KCND3: variants seen among roughly 807,000 people sequenced by gnomAD.
KCND3 encodes potassium voltage-gated channel subfamily D member 3.
A neutral mutation model predicts 51.1 loss-of-function variants in KCND3; 9 were observed. That is an observed-to-expected ratio of 0.18 (90% CI 0.11 to 0.31). KCND3 has a LOEUF of 0.31. KCND3 is among the 10% of genes least tolerant of loss of function. KCND3 has a pLI of 1.00. For synonymous variants in KCND3, 349 were observed against 368.0 expected (o/e 0.95, Z 0.59); for missense variants, 526 against 903.8 (o/e 0.58, Z 5.36).
intron 2 of KCND3, among the ~76,000 whole-genome samples, chr1:111,904,304 C>T (rs1319870652): frequency 1.3e-5 from 2 of 152,100 alleles, no homozygotes; most frequent in African/African-American, 2.4e-5. Flanking sequence ...TCCTGTCACC[C>T]TTCCCAGCAC....
At chr1:111,852,782 C>T (rs557999872) in intron 2 of KCND3, among the ~76,000 whole-genome samples, 2 of 152,324 alleles carry the variant, frequency 1.3e-5, no homozygotes, top group African/African-American at 2.4e-5. Flanking sequence ...ATCACTGAGT[C>T]GTACCACTTA....
intron 2 of KCND3, among the ~76,000 whole-genome samples, chr1:111,822,887 G>A (rs958695001): frequency 2.6e-5 from 4 of 152,182 alleles, no homozygotes; most frequent in Admixed American, 6.5e-5. Flanking sequence ...AGAAGAACTC[G>A]TGCTAAGAAC....
At chr1:111,872,435 C>A (rs144593175) in intron 2 of KCND3, among the ~76,000 whole-genome samples, 19 of 152,316 alleles carry the variant, frequency 1.2e-4, no homozygotes, top group African/African-American at 4.6e-4. Flanking sequence ...TTTATTTGAC[C>A]TGTGAACCTT....
chr1:111,969,868 G>T (rs1329045815), intron 2 of KCND3, among the ~76,000 whole-genome samples: 1 of 152,252 alleles, frequency 6.6e-6, no homozygotes, highest in South Asian at 2.1e-4. Context: ...ACACTTTCCT[G>T]GGGGGATGCT....
intron 2 of KCND3, among the ~76,000 whole-genome samples, chr1:111,936,298 G>A (rs1041875057): frequency 2.0e-5 from 3 of 152,282 alleles, no homozygotes; most frequent in Middle Eastern, 3.4e-3. Flanking sequence ...TTGGTGAGCA[G>A]AGGGCTCCCC....
chr1:111,867,859 G>A (rs1668646943), intron 2 of KCND3, among the ~76,000 whole-genome samples: 2 of 152,176 alleles, frequency 1.3e-5, no homozygotes, highest in South Asian at 2.1e-4. Context: ...ATAGGTAAGA[G>A]CACAGGCTAT....
intron 2 of KCND3, among the ~76,000 whole-genome samples, chr1:111,788,713 G>A (rs967283747): frequency 6.6e-6 from 1 of 152,218 alleles, no homozygotes; most frequent in African/African-American, 2.4e-5. Flanking sequence ...GAGGCCTCCA[G>A]GGAAGTGGTT....
intron 2 of KCND3, among the ~76,000 whole-genome samples, chr1:111,854,639 G>GTACAAAGTGTTTCT (rs1553247636): frequency 2.0e-5 from 3 of 152,224 alleles, no homozygotes; most frequent in Non-Finnish European, 4.4e-5. Context: ...AAGGGCAGCA[G>GTACAAAGTGTTTCT]TACAAAGTGT....
At chr1:111,965,369 A>G (rs1673909563) in intron 2 of KCND3, among the ~76,000 whole-genome samples, 1 of 150,280 alleles carries the variant, frequency 6.7e-6, no homozygotes, top group African/African-American at 2.5e-5. Flanking sequence ...AAAGTTCCCT[A>G]AGTCAACAAT....
At chr1:111,925,010 C>G (rs1361400979) in intron 2 of KCND3, among the ~76,000 whole-genome samples, 1 of 152,202 alleles carries the variant, frequency 6.6e-6, no homozygotes, top group Non-Finnish European at 1.5e-5. Context: ...CCCGACCTAT[C>G]CAGGGACTAG....
intron 2 of KCND3, among the ~76,000 whole-genome samples, chr1:111,936,321 G>A (rs1233119995): frequency 6.6e-6 from 1 of 152,164 alleles, no homozygotes; most frequent in Non-Finnish European, 1.5e-5. Flanking sequence ...GGAGGAATAA[G>A]GGCCTAGTGG....
intron 2 of KCND3, among the ~76,000 whole-genome samples, chr1:111,972,736 C>T (rs1462001156): frequency 6.6e-6 from 1 of 152,210 alleles, no homozygotes; most frequent in South Asian, 2.1e-4. Context: ...CTCCAATTCC[C>T]CACTATATTG....
Position 111,903,540 on chromosome 1 carries a change from G to C in KCND3, c.1106+78081C>G, listed in dbSNP as rs755192196. On this transcript the variant is annotated intron_variant, in intron 2 of 7. Coordinates refer to ENST00000302127, the MANE Select transcript of KCND3 (RefSeq NM_001378969.1). The stretch of plus-strand genomic sequence containing the variant: ...CCATTGATTTCTGATCTCTGAATCT[G>C]CTCATTAAGCAGCAGGGTGACTTGC... Among the ~76,000 whole-genome samples, 66 of 152,202 alleles carry C rather than the reference G, an allele frequency of 4.3e-4. 1 individual carries two copies. Among genetic ancestry groups the C allele is most frequent in the Non-Finnish European group, 8.8e-4 (60 of 68,040 alleles).
intron 2 of KCND3, among the ~76,000 whole-genome samples, chr1:111,961,701 A>AG (rs140258357): frequency 6.6e-6 from 1 of 152,082 alleles, no homozygotes; most frequent in African/African-American, 2.4e-5. Context: ...GGGAGGCCAG[A>AG]GGGGGGGCAT....
At chr1:111,813,570 C>T (rs895772080) in intron 2 of KCND3, among the ~76,000 whole-genome samples, 1 of 152,262 alleles carries the variant, frequency 6.6e-6, no homozygotes, top group Non-Finnish European at 1.5e-5. Flanking sequence ...GCTGAAGGCT[C>T]TAGCTGTCTT....
At chr1:111,950,301 G>A (rs1672997080) in intron 2 of KCND3, among the ~76,000 whole-genome samples, 2 of 152,092 alleles carry the variant, frequency 1.3e-5, no homozygotes, top group Non-Finnish European at 2.9e-5. Flanking sequence ...AATACTGGTC[G>A]TGACCCACTA....
At chr1:111,943,720 G>C (rs1468412300) in intron 2 of KCND3, among the ~76,000 whole-genome samples, 1 of 152,210 alleles carries the variant, frequency 6.6e-6, no homozygotes, top group Non-Finnish European at 1.5e-5. Context: ...TGTGTTCACT[G>C]CACTCAGATG....
intron 2 of KCND3, among the ~76,000 whole-genome samples, chr1:111,957,857 C>T (rs1264976529): frequency 6.6e-6 from 1 of 152,176 alleles, no homozygotes; most frequent in Non-Finnish European, 1.5e-5. Flanking sequence ...GAATATATGA[C>T]CCACAAAACC....
At chr1:111,938,933 G>T (rs1428378727) in intron 2 of KCND3, among the ~76,000 whole-genome samples, 1 of 152,208 alleles carries the variant, frequency 6.6e-6, no homozygotes, top group Non-Finnish European at 1.5e-5. Context: ...AACCCCTGCA[G>T]CTCCAATGCT....
Sources: allele counts gnomAD v4.1 joint callset (sites outside exome capture counted in the v4.1 genomes callset), GRCh38; gene constraint gnomAD v4.1.1; transcripts MANE v1.5; gene names NCBI Gene and HGNC (gene_info 2026-07-23, HGNC 2026-07-21).